INO80: variants seen among roughly 807,000 people sequenced by gnomAD.
The protein encoded by INO80 is INO80 complex ATPase subunit.
In INO80, 20 loss-of-function variants were observed where a neutral mutation model predicts 203.4. The observed-to-expected ratio is 0.10, with a 90% CI of 0.07 to 0.14. INO80 has a LOEUF of 0.14. INO80 is among the 10% of genes least tolerant of loss of function. INO80 has a pLI of 1.00. For missense variants in INO80, 1,419 were observed against 1,914.4 expected (o/e 0.74, Z 4.83); for synonymous variants, 726 against 685.2 (o/e 1.06, Z -0.93).
rs180715117 is a variant in INO80, at chr15:41,025,417, T to C, written c.3048+2179A>G. On this transcript the variant is annotated intron_variant, in intron 25 of 35. Transcript: ENST00000648947. ...AAGAGAGCTCATCTTTATTGGCTCT[T>C]TAAACACTGGGAACAGGCTGGGCAC... is the stretch of plus-strand genomic sequence containing the variant. Among the ~76,000 whole-genome samples the C allele has an allele frequency of 2.7e-3, 408 of 152,254 alleles. 3 individuals carry two copies. The highest frequency in any genetic ancestry group is 0.013 in the South Asian group (62 of 4,820).
intron 24 of INO80, among the ~76,000 whole-genome samples, chr15:41,031,609 GGGA>G (rs1378625572): frequency 0.026 from 74 of 2,898 alleles, 12 homozygotes; most frequent in Non-Finnish European, 0.029. Context: ...GAGGGAGGAA[GGGA>G]GGAGGGAGGA....
chr15:41,052,122 G>C (rs2044886189), intron 19 of INO80, among the ~76,000 whole-genome samples: 1 of 151,450 alleles, frequency 6.6e-6, no homozygotes, highest in Non-Finnish European at 1.5e-5. Flanking sequence ...CTGGGTGACA[G>C]AGTAAAAAAT....
At position 41,073,892 on chromosome 15, in the gene INO80, A is replaced by C. The variant is rs145504946; in HGVS notation, c.1328-397T>G. ...CCCAAGATACTATAAAGCAGTTACA[A>C]TCTCTACTATTTCTAGCTCAACACA... On this transcript the variant is annotated intron_variant, in intron 10 of 35. Transcript: ENST00000648947. 3.9e-5 allele frequency among the ~76,000 whole-genome samples: 6 copies of C among 152,298 alleles called. No homozygotes were observed. The East Asian group carries it at 1.2e-3, about 29-fold the overall frequency.
At chr15:41,052,401 G>A (rs780660823) in intron 19 of INO80, among the ~76,000 whole-genome samples, 46 of 151,950 alleles carry the variant, frequency 3.0e-4, no homozygotes, top group Non-Finnish European at 4.6e-4. Flanking sequence ...AGTCCAGCAC[G>A]GTGGCTCATG....
intron 27 of INO80, chr15:41,011,838 C>A (rs1438431589): frequency 1.3e-5 from 2 of 152,144 alleles, no homozygotes; most frequent in East Asian, 3.9e-4. Context: ...GATGACTGAG[C>A]AAGTTACACA....
intron 34 of INO80, 169 bp from the exon 35 acceptor site, chr15:40,983,246 C>A (rs1215863643): frequency 3.4e-6 from 2 of 596,016 alleles, no homozygotes; most frequent in Non-Finnish European, 5.9e-6. Flanking sequence ...CTGAGTCACA[C>A]AGAATACTAA....
intron 9 of INO80, 59 bp downstream of exon 9, chr15:41,079,642 G>C (rs1381211742): frequency 6.2e-6 from 9 of 1,445,992 alleles, no homozygotes; most frequent in Non-Finnish European, 7.7e-6. Context: ...AAATGCAAAC[G>C]AATCTCTTCA....
rs558699234 is a variant in INO80 at position 40,997,544 on chromosome 15, G to C, written c.3555C>G (p.Leu1185=). The C allele has an allele frequency of 1.2e-6, 2 of 1,609,552 alleles. No homozygotes were observed. Among genetic ancestry groups the C allele is most frequent in the Admixed American group, 1.7e-5 (1 of 60,004 alleles). Residue 1185 remains leucine, a synonymous_variant, in exon 29 of 36, where the codon CTC becomes CTG. Coordinates refer to ENST00000648947, the MANE Select transcript of INO80 (RefSeq NM_017553.3). ...STRAGGLGIN[L]TAADTVIFYD... ...CATTACTTACTGTGTCTGCAGCAGT[G>C]AGATTGATACCCAGTCCTCCAGCTC... is the stretch of plus-strand genomic sequence containing the variant.
chr15:41,029,414 T>G (rs1195281170), intron 24 of INO80, among the ~76,000 whole-genome samples: 1 of 152,256 alleles, frequency 6.6e-6, no homozygotes, highest in Non-Finnish European at 1.5e-5. Flanking sequence ...CAGCATCTTC[T>G]AAATAACTGT....
chr15:41,115,084 A>T (rs1391396237), intron 1 of INO80, among the ~76,000 whole-genome samples: 4 of 152,220 alleles, frequency 2.6e-5, no homozygotes, highest in Non-Finnish European at 5.9e-5. Context: ...AAGCCACAAT[A>T]ATTTTGTTGT....
intron 1 of INO80, among the ~76,000 whole-genome samples, chr15:41,108,678 C>A (rs1231857288): frequency 6.6e-6 from 1 of 151,726 alleles, no homozygotes; most frequent in Non-Finnish European, 1.5e-5. Context: ...ACTAGTTCCA[C>A]TGTAAAATGG....
rs1566926616 is a variant in INO80, at chr15:41,046,241, ATATATATATATATATT to A, written c.2735+1151_2735+1166del. On this transcript the variant is annotated intron_variant, in intron 23 of 35. Coordinates refer to ENST00000648947, the MANE Select transcript of INO80 (RefSeq NM_017553.3). ...TATATATATATATATATATATATAT[ATATATATATATATATT>A]CTTGTTCTGTTGCCCGGGCTGGGGT... 2.5e-3 allele frequency among the ~76,000 whole-genome samples: 61 copies of A among 24,846 alleles called. 1 individual carries two copies. Among genetic ancestry groups the A allele is most frequent in the Admixed American group, 0.016 (25 of 1,518 alleles). The allele number at this position is 24,846 out of a possible 152,430, so 16.3% of individuals were successfully genotyped here.
intron 27 of INO80, among the ~76,000 whole-genome samples, chr15:41,007,145 G>C (rs1178249735): frequency 6.7e-6 from 1 of 149,440 alleles, no homozygotes; most frequent in African/African-American, 2.5e-5. Flanking sequence ...TTAGCAAAAA[G>C]GTAGGCTTCC....
At chr15:41,078,088 C>A (rs2045432453) in intron 9 of INO80, among the ~76,000 whole-genome samples, 1 of 151,824 alleles carries the variant, frequency 6.6e-6, no homozygotes, top group Admixed American at 6.6e-5. Context: ...TTAGTAGAGA[C>A]AGGGTTTCAC....
chr15:41,028,060 T>C (rs1670933110), intron 24 of INO80, among the ~76,000 whole-genome samples: 1 of 152,150 alleles, frequency 6.6e-6, no homozygotes, highest in Non-Finnish European at 1.5e-5. Flanking sequence ...TCAGGGGAAG[T>C]TTGGTTCATC....
rs750669155 is a variant in INO80 at position 41,016,196 on chromosome 15, A to G, written c.3294T>C (p.Thr1098=). The part of the protein sequence containing the change: ...IRIPGKESLI[T]DSGKLYALDV... ...CAAGGGCATACAGCTTTCCACTGTCAGTGATGAGGCTCTCCTTGCCTGGGG... is the reference window on the plus strand; with the variant it reads ...CAAGGGCATACAGCTTTCCACTGTCGGTGATGAGGCTCTCCTTGCCTGGGG... Residue 1098 remains threonine (T), a synonymous_variant, in exon 27 of 36, where the codon ACT becomes ACC. Coordinates refer to ENST00000648947, the MANE Select transcript of INO80 (RefSeq NM_017553.3). 25 of 1,613,974 alleles carry G rather than the reference A, an allele frequency of 1.5e-5. No homozygotes were observed. Among genetic ancestry groups the G allele is most frequent in the Non-Finnish European group, 2.1e-5 (25 of 1,179,930 alleles).
chr15:41,069,797 C>G, intron 13 of INO80, 132 bp from the exon 14 acceptor site: 2 of 603,050 alleles, frequency 3.3e-6, no homozygotes, highest in East Asian at 5.7e-5. Flanking sequence ...AATCCCAAAT[C>G]TGCACATTCA....
At chr15:41,115,782 A>G (rs2046025117) in intron 1 of INO80, among the ~76,000 whole-genome samples, 191 bp downstream of exon 1, 1 of 152,206 alleles carries the variant, frequency 6.6e-6, no homozygotes, top group African/African-American at 2.4e-5. Flanking sequence ...GGGAAGGACA[A>G]GGCCCTAGTC....
intron 29 of INO80, among the ~76,000 whole-genome samples, chr15:40,991,897 C>A (rs1251891286): frequency 6.6e-6 from 1 of 152,110 alleles, no homozygotes; most frequent in East Asian, 1.9e-4. Context: ...CCTCAGCCTC[C>A]CGAGTAGCTG....
Sources: gnomAD v4.1 joint callset for allele counts (sites outside exome capture counted in the v4.1 genomes callset) on GRCh38, gnomAD v4.1.1 for gene constraint, MANE v1.5 for transcripts, NCBI Gene and HGNC (gene_info 2026-07-23, HGNC 2026-07-21) for gene names.